The following DCT variants were observed in gnomAD, a reference collection of about 807,000 sequenced individuals.
DCT encodes the protein L-dopachrome tautomerase.
Under a neutral mutation model 53.0 loss-of-function variants are expected in DCT, and 47 were observed. That is an observed-to-expected ratio of 0.89 (90% CI 0.70 to 1.13). The LOEUF is 1.13. DCT is among the 50% of genes most tolerant of loss of function. The pLI, the probability that DCT is intolerant of heterozygous loss-of-function variation, is 0.00. For missense variants in DCT, 669 were observed against 637.4 expected (o/e 1.05, Z -0.53); for synonymous variants, 244 against 237.0 (o/e 1.03, Z -0.27).
the DCT span, among the ~76,000 whole-genome samples, chr13:94,525,081 G>C: frequency 6.6e-6 from 1 of 151,322 alleles, no homozygotes. Flanking sequence ...AGACTTCGAG[G>C]CTCCAGCGCT....
the DCT span, among the ~76,000 whole-genome samples, chr13:94,504,824 A>G: frequency 1.1e-3 from 167 of 152,248 alleles, 1 homozygote; most frequent in African/African-American, 3.5e-3. Flanking sequence ...GATGCCATTT[A>G]TTATTAGGTG....
chr13:94,479,520 A>C lies in DCT; in HGVS notation c.-265T>G. ...CCTTAGAAGCGCCTCTAACAACCAA[A>C]TTTAATGAGGGTAGCGCTTCTCACC... On this transcript the variant is annotated 5_prime_UTR_variant, in exon 1 of 8. Transcript: ENST00000377028. The C allele has an allele frequency of 2.6e-6, 1 of 385,504 alleles. No homozygotes were observed. The highest frequency in any genetic ancestry group is 4.7e-6 in the Non-Finnish European group (1 of 214,358). The allele number at this position is 385,504 out of a possible 1,614,324, so 23.9% of individuals were successfully genotyped here. A position where few individuals can be genotyped will look rare whatever the true frequency, so the allele number is the denominator to read the frequency against.
At chr13:94,494,507 T>C in the DCT span, among the ~76,000 whole-genome samples, 4,116 of 152,168 alleles carry the variant, frequency 0.027, 175 homozygotes, top group African/African-American at 0.094. Context: ...TTTGTCTCAT[T>C]CCTGCTGTAT....
chr13:94,509,938 G>A, the DCT span, among the ~76,000 whole-genome samples: 1 of 152,166 alleles, frequency 6.6e-6, no homozygotes, highest in African/African-American at 2.4e-5. Flanking sequence ...ATTTGTTGAA[G>A]AATCAAATTA....
At chr13:94,450,251 G>C (rs1882989242) in intron 6 of DCT, among the ~76,000 whole-genome samples, 1 of 152,072 alleles carries the variant, frequency 6.6e-6, no homozygotes, top group African/African-American at 2.4e-5. Context: ...ATGTTGTTTA[G>C]GCCACCCAGT....
At chr13:94,450,749 G>A (rs760023802) in intron 6 of DCT, among the ~76,000 whole-genome samples, 3 of 152,084 alleles carry the variant, frequency 2.0e-5, no homozygotes, top group Non-Finnish European at 2.9e-5. Flanking sequence ...TTGACATTAC[G>A]GATTGGAGAA....
chr13:94,519,865 A>T, the DCT span, among the ~76,000 whole-genome samples: 2 of 152,184 alleles, frequency 1.3e-5, no homozygotes, highest in African/African-American at 4.8e-5. Flanking sequence ...CATGTCCATT[A>T]TTCTATTCAA....
rs772113617 is a variant in DCT, at chr13:94,468,843, C to T, written c.498G>A (p.Leu166=). ...GCGGCTGGGTTCCATTGGGCCCAAG[C>T]AGGCCCAGCCAGTGTTGTGTGGTGA... ...YVITTQHWLG[L]LGPNGTQPQF... is the part of the protein sequence containing the mutation. The change falls in exon 2 of 8, where the codon CTG becomes CTA. Residue 166 remains leucine, a synonymous_variant. Transcript: ENST00000377028. 1.9e-6 allele frequency: 3 copies of T among 1,614,098 alleles called. No individual in the cohort carries two copies. Among genetic ancestry groups the T allele is most frequent in the South Asian group, 2.2e-5 (2 of 91,084 alleles).
the DCT span, among the ~76,000 whole-genome samples, chr13:94,514,468 G>A: frequency 1.3e-5 from 2 of 152,230 alleles, no homozygotes; most frequent in African/African-American, 2.4e-5. Context: ...AGCAAAGTGA[G>A]CAGCCTTGGC....
At chr13:94,450,361 C>A (rs112805235) in intron 6 of DCT, among the ~76,000 whole-genome samples, 1 of 152,088 alleles carries the variant, frequency 6.6e-6, no homozygotes, top group Admixed American at 6.6e-5. Flanking sequence ...CCAGGCAGGG[C>A]GCAGCAAGGA....
chr13:94,439,948 G>C lies in DCT; in HGVS notation c.1510C>G (p.Pro504Ala), dbSNP rs764123888. 1.9e-6 allele frequency: 3 copies of C among 1,614,000 alleles called. No homozygotes were observed. Among genetic ancestry groups the C allele is most frequent in the South Asian group, 2.2e-5 (2 of 91,074 alleles). ...QYRRLRKGYT[P>A]LMETHLSSKR... ...CTGCTTAAATGTGTCTCCATTAGGG[G>C]TGTATATCCTTTTCGAAGTCTTCTA... Residue 504 changes from proline (P) to alanine (A), a missense_variant, in exon 8 of 8, where the codon CCC (proline) becomes GCC (alanine). By Grantham distance (27) the Pro-to-Ala change is conservative. Coordinates refer to ENST00000377028, the MANE Select transcript of DCT (RefSeq NM_001922.5).
chr13:94,471,369 C>G (rs1884634829), intron 1 of DCT, among the ~76,000 whole-genome samples: 1 of 152,006 alleles, frequency 6.6e-6, no homozygotes, highest in Non-Finnish European at 1.5e-5. Flanking sequence ...TTACAGCACT[C>G]TATGAGAACA....
At chr13:94,475,628 C>T (rs775976895) in intron 1 of DCT, among the ~76,000 whole-genome samples, 1 of 152,088 alleles carries the variant, frequency 6.6e-6, no homozygotes, top group African/African-American at 2.4e-5. Context: ...ATAAGGCATT[C>T]GGCACTTAAA....
chr13:94,523,827 TG>T, the DCT span, among the ~76,000 whole-genome samples: 1 of 152,128 alleles, frequency 6.6e-6, no homozygotes, highest in Non-Finnish European at 1.5e-5. Context: ...TAAATTTCCC[TG>T]CTCCCTGGGC....
At chr13:94,472,562 ATATATAT>A (rs1884797995) in intron 1 of DCT, among the ~76,000 whole-genome samples, 1 of 19,080 alleles carries the variant, frequency 5.2e-5, no homozygotes, top group African/African-American at 2.8e-4. Flanking sequence ...ATATATATAT[ATATATAT>A]TTTTTTTTTT....
At chr13:94,485,129 G>A in the DCT span, among the ~76,000 whole-genome samples, 2 of 151,930 alleles carry the variant, frequency 1.3e-5, no homozygotes, top group African/African-American at 2.4e-5. Flanking sequence ...CTCTGCTGGG[G>A]GGCGGTGGGG....
the DCT span, among the ~76,000 whole-genome samples, chr13:94,540,240 C>A: frequency 2.6e-5 from 4 of 152,098 alleles, no homozygotes; most frequent in African/African-American, 7.2e-5. Flanking sequence ...AAAGAAAGGA[C>A]AAATCGTGGA....
At chr13:94,537,083 T>C in the DCT span, among the ~76,000 whole-genome samples, 4 of 152,354 alleles carry the variant, frequency 2.6e-5, no homozygotes, top group South Asian at 2.1e-4. Flanking sequence ...TGTTCCTTTA[T>C]AGCAATGCAA....
At chr13:94,477,424 A>G (rs1225771857) in intron 1 of DCT, among the ~76,000 whole-genome samples, 1 of 151,988 alleles carries the variant, frequency 6.6e-6, no homozygotes, top group Non-Finnish European at 1.5e-5. Flanking sequence ...ATGTGAAAAA[A>G]GAAATCTAAT....
Sources: allele counts gnomAD v4.1 joint callset (sites outside exome capture counted in the v4.1 genomes callset), GRCh38; gene constraint gnomAD v4.1.1; transcripts MANE v1.5; gene names NCBI Gene and HGNC (gene_info 2026-07-23, HGNC 2026-07-21).